The following PRKCA variants were observed in gnomAD, a reference collection of about 807,000 sequenced individuals.
PRKCA encodes the protein protein kinase C alpha type.
PRKCA carries 27 observed loss-of-function variants against 87.0 expected under a neutral mutation model. The ratio of observed to expected loss-of-function variants is 0.31; its 90% CI spans 0.23 to 0.43. The LOEUF is 0.43. Ranked by LOEUF, PRKCA falls within the 20% of genes least tolerant of loss-of-function variation. PRKCA has a pLI of 1.00. For synonymous variants in PRKCA, 329 were observed against 311.1 expected (o/e 1.06, Z -0.61); for missense variants, 518 against 852.3 (o/e 0.61, Z 4.88).
At chr17:66,778,879 G>A (rs1234059266) in intron 14 of PRKCA, among the ~76,000 whole-genome samples, 1 of 151,594 alleles carries the variant, frequency 6.6e-6, no homozygotes, top group Non-Finnish European at 1.5e-5. Flanking sequence ...CTCCTTAAAG[G>A]CACTCCACAT....
chr17:66,510,832 A>G (rs228877), intron 3 of PRKCA, among the ~76,000 whole-genome samples: 80,283 of 151,708 alleles, frequency 0.53, 21,934 homozygotes, highest in African/African-American at 0.65. Flanking sequence ...TGCAACATCA[A>G]CCTCCCTGGG....
At chr17:66,502,635 A>G (rs1291733121) in intron 3 of PRKCA, among the ~76,000 whole-genome samples, 2 of 151,236 alleles carry the variant, frequency 1.3e-5, no homozygotes, top group South Asian at 2.1e-4. Flanking sequence ...TAGGGCCACA[A>G]TGTACAACTC....
intron 16 of PRKCA, among the ~76,000 whole-genome samples, chr17:66,800,451 T>C (rs1225210436): frequency 6.6e-6 from 1 of 152,186 alleles, no homozygotes. Context: ...ACTTAGCTTT[T>C]TGAGCAGTGG....
At chr17:66,560,510 G>A (rs777060152) in intron 3 of PRKCA, among the ~76,000 whole-genome samples, 2 of 152,048 alleles carry the variant, frequency 1.3e-5, no homozygotes, top group Non-Finnish European at 2.9e-5. Context: ...GTGGTGTGGT[G>A]TTGGGGGAAG....
At chr17:66,784,979 T>G (rs1458190099) in intron 14 of PRKCA, among the ~76,000 whole-genome samples, 1 of 152,246 alleles carries the variant, frequency 6.6e-6, no homozygotes, top group Non-Finnish European at 1.5e-5. Flanking sequence ...CAGGCTCATT[T>G]TAGCTCTCTT....
intron 3 of PRKCA, among the ~76,000 whole-genome samples, chr17:66,514,929 T>C (rs1314625782): frequency 6.6e-6 from 1 of 152,116 alleles, no homozygotes; most frequent in Non-Finnish European, 1.5e-5. Context: ...AGCATGTTTC[T>C]ACCTGGAACA....
intron 14 of PRKCA, among the ~76,000 whole-genome samples, chr17:66,781,887 AG>A (rs1432239870): frequency 0.035 from 4,359 of 124,706 alleles, 81 homozygotes; most frequent in East Asian, 0.11. Context: ...ATATATATAT[AG>A]TGTGTGTGTG....
chr17:66,506,302 A>C (rs527313742), intron 3 of PRKCA, among the ~76,000 whole-genome samples: 2 of 152,158 alleles, frequency 1.3e-5, no homozygotes, highest in Non-Finnish European at 2.9e-5. Context: ...TCTAAAAAAA[A>C]AAAAAATTAT....
intron 8 of PRKCA, among the ~76,000 whole-genome samples, chr17:66,720,050 G>A (rs1216151265): frequency 2.0e-5 from 3 of 152,200 alleles, no homozygotes; most frequent in Admixed American, 2.0e-4. Context: ...CAAAACAGAC[G>A]AGCCGTGCGT....
chr17:66,739,828 TGGA>T (rs1188054250), intron 11 of PRKCA, among the ~76,000 whole-genome samples: 2 of 151,482 alleles, frequency 1.3e-5, no homozygotes, highest in African/African-American at 4.9e-5. Context: ...AGCCTGGCTG[TGGA>T]GGAGGGAAGA....
intron 3 of PRKCA, among the ~76,000 whole-genome samples, chr17:66,508,207 G>C (rs1277118716): frequency 6.6e-6 from 1 of 152,202 alleles, no homozygotes; most frequent in African/African-American, 2.4e-5. Context: ...GTACTAGCAA[G>C]AGTCACATGG....
chr17:66,612,076 T>TA (rs35346924), intron 3 of PRKCA, among the ~76,000 whole-genome samples: 1,566 of 146,032 alleles, frequency 0.011, 36 homozygotes, highest in Admixed American at 0.058. Flanking sequence ...ACTTTGTGAG[T>TA]AAAAAAAAAA....
intron 3 of PRKCA, among the ~76,000 whole-genome samples, chr17:66,582,047 T>G (rs1567912988): frequency 6.6e-6 from 1 of 152,226 alleles, no homozygotes; most frequent in African/African-American, 2.4e-5. Context: ...AGGATCCTAG[T>G]TGGTCAGTGT....
chr17:66,612,780 A>T (rs1970405801), intron 3 of PRKCA, among the ~76,000 whole-genome samples: 1 of 151,334 alleles, frequency 6.6e-6, no homozygotes, highest in African/African-American at 2.4e-5. Flanking sequence ...AGAGATAAGT[A>T]CCTCATTTGT....
In PRKCA at chr17:66,649,122, A is replaced by T. The variant is rs564484003; in HGVS notation, c.529+3611A>T. 8.6e-4 allele frequency among the ~76,000 whole-genome samples: 131 copies of T among 152,056 alleles called. No individual in the cohort carries two copies. The Middle Eastern group carries it at 0.01, about 12-fold the overall frequency. On this transcript the variant is annotated intron_variant, in intron 5 of 16. Transcript: ENST00000413366. Reference sequence around the variant, plus strand: ...CAAAAAAAAAAAAAAAGAAAGAAAGAAAAAATAGGTACCCGCATTAGTTAC... The same window carrying T: ...CAAAAAAAAAAAAAAAGAAAGAAAGTAAAAATAGGTACCCGCATTAGTTAC...
intron 3 of PRKCA, among the ~76,000 whole-genome samples, chr17:66,609,307 T>C (rs1970288887): frequency 6.6e-6 from 1 of 152,210 alleles, no homozygotes; most frequent in African/African-American, 2.4e-5. Context: ...ACGGGGCTAC[T>C]ACTTTGCCGC....
At chr17:66,306,326 G>GT in intron 2 of PRKCA, 199 bp downstream of exon 2, 76 of 319,650 alleles carry the variant, frequency 2.4e-4, no homozygotes, top group Middle Eastern at 8.6e-4. Flanking sequence ...TTTTCTCATT[G>GT]GAAAAAAAAA....
chr17:66,636,217 C>T (rs1368703016), intron 3 of PRKCA, among the ~76,000 whole-genome samples: 5 of 152,178 alleles, frequency 3.3e-5, no homozygotes, highest in African/African-American at 9.7e-5. Flanking sequence ...GGACGAGTTG[C>T]TCTCTGCAGA....
At chr17:66,499,891 C>G (rs1349016567) in intron 3 of PRKCA, among the ~76,000 whole-genome samples, 1 of 152,186 alleles carries the variant, frequency 6.6e-6, no homozygotes, top group Non-Finnish European at 1.5e-5. Context: ...TGCATCCATA[C>G]TCAACTGACT....
Sources: gnomAD v4.1 joint callset for allele counts (sites outside exome capture counted in the v4.1 genomes callset) on GRCh38, gnomAD v4.1.1 for gene constraint, MANE v1.5 for transcripts, NCBI Gene and HGNC (gene_info 2026-07-23, HGNC 2026-07-21) for gene names.